The following RNF152 variants were observed in gnomAD, a reference collection of about 807,000 sequenced individuals.
RNF152 encodes E3 ubiquitin-protein ligase RNF152.
A neutral mutation model predicts 12.7 loss-of-function variants in RNF152; 11 were observed. The ratio of observed to expected loss-of-function variants is 0.86; its 90% confidence interval spans 0.54 to 1.43. The LOEUF (loss-of-function observed/expected upper bound fraction) is 1.43, where lower values mean the gene tolerates loss of function less well. Among genes scored for constraint, RNF152 ranks in the 40% most tolerant of loss-of-function variants. RNF152 has a pLI of 0.00. For missense variants in RNF152, 255 were observed against 274.8 expected (o/e 0.93, Z 0.51); for synonymous variants, 113 against 120.3 (o/e 0.94, Z 0.40).
At chr18:61,878,774 G>C (rs975905750) in intron 1 of RNF152, among the ~76,000 whole-genome samples, 3 of 152,092 alleles carry the variant, frequency 2.0e-5, no homozygotes, top group Non-Finnish European at 4.4e-5. Context: ...AAGCCTCTTC[G>C]GGCATTAATC....
intron 1 of RNF152, among the ~76,000 whole-genome samples, chr18:61,819,011 G>A (rs1909252041): frequency 6.6e-6 from 1 of 152,174 alleles, no homozygotes; most frequent in African/African-American, 2.4e-5. Context: ...AAAAAATCAG[G>A]GGACAGGCTA....
chr18:61,854,420 C>A (rs1911126345), intron 1 of RNF152, among the ~76,000 whole-genome samples: 1 of 152,170 alleles, frequency 6.6e-6, no homozygotes, highest in African/African-American at 2.4e-5. Flanking sequence ...ACAGCAACAG[C>A]CTTAAAGGAA....
At chr18:61,842,866 A>G (rs1910515787) in intron 1 of RNF152, among the ~76,000 whole-genome samples, 2 of 152,168 alleles carry the variant, frequency 1.3e-5, no homozygotes, top group Admixed American at 1.3e-4. Flanking sequence ...ACAGCACGGG[A>G]AAGACCCGCC....
intron 1 of RNF152, among the ~76,000 whole-genome samples, chr18:61,854,562 A>C (rs944612114): frequency 1.3e-5 from 2 of 152,176 alleles, no homozygotes; most frequent in Admixed American, 1.3e-4. Flanking sequence ...CGAATTAAAG[A>C]GGGCTGGGAG....
At position 61,813,917 on chromosome 18, in the gene RNF152, G is replaced by C. The variant is rs966002834; in HGVS notation, c.*1935C>G. The C allele has an allele frequency of 7.9e-5, 12 of 152,186 alleles. No homozygotes were observed. The South Asian group carries it at 8.3e-4, about 11-fold the overall frequency. 9.4% of individuals were successfully genotyped at this position (152,186 alleles called of 1,614,324 possible). The stretch of plus-strand genomic sequence containing the variant: ...ATATTATGTTATGTAATAGAGGATA[G>C]TATTCAGCTAATATGACACCTAAAT... On this transcript the variant is annotated 3_prime_UTR_variant, in exon 2 of 2. Coordinates refer to ENST00000312828, the MANE Select transcript of RNF152 (RefSeq NM_173557.3).
chr18:61,830,096 A>G (rs1460315447), intron 1 of RNF152, among the ~76,000 whole-genome samples: 5 of 149,048 alleles, frequency 3.4e-5, no homozygotes, highest in Non-Finnish European at 7.4e-5. Context: ...ATCTTGGCTC[A>G]CTGCAACCTT....
chr18:61,829,568 T>C lies in RNF152; in HGVS notation c.-135-12970A>G, dbSNP rs866112400. Among the ~76,000 whole-genome samples the C allele has an allele frequency of 3.7e-3, 292 of 78,708 alleles. 1 individual carries two copies. The highest frequency in any genetic ancestry group is 8.4e-3 in the Admixed American group (65 of 7,756). 51.6% of individuals were successfully genotyped at this position (78,708 alleles called of 152,430 possible). On this transcript the variant is annotated intron_variant, in intron 1 of 1. Coordinates refer to ENST00000312828, the MANE Select transcript of RNF152 (RefSeq NM_173557.3). ...ATACTGGGAGAGGGAGAGAGAGAGA[T>C]TGGGGGAAGGAGAGAGAGAGAGAGA... is the stretch of plus-strand genomic sequence containing the variant.
intron 1 of RNF152, among the ~76,000 whole-genome samples, chr18:61,867,933 T>G: frequency 6.6e-6 from 1 of 152,340 alleles, no homozygotes; most frequent in Non-Finnish European, 1.5e-5. Flanking sequence ...TACTATTATG[T>G]AAATTTAACC....
chr18:61,828,377 G>A (rs914161041), intron 1 of RNF152, among the ~76,000 whole-genome samples: 1 of 152,052 alleles, frequency 6.6e-6, no homozygotes, highest in African/African-American at 2.4e-5. Flanking sequence ...TTAGCCCCCC[G>A]AGTAGCTGGG....
intron 1 of RNF152, among the ~76,000 whole-genome samples, chr18:61,830,913 C>A (rs888321450): frequency 6.6e-6 from 1 of 152,058 alleles, no homozygotes; most frequent in Non-Finnish European, 1.5e-5. Context: ...AGATTTTGTA[C>A]CTAGCAAAGT....
chr18:61,844,034 G>C (rs1243636174), intron 1 of RNF152, among the ~76,000 whole-genome samples: 1 of 120,516 alleles, frequency 8.3e-6, no homozygotes, highest in Non-Finnish European at 1.8e-5. Flanking sequence ...GAAAGAGAGA[G>C]AGAAAGAAAA....
At chr18:61,828,788 C>A (rs1026690228) in intron 1 of RNF152, among the ~76,000 whole-genome samples, 1 of 152,114 alleles carries the variant, frequency 6.6e-6, no homozygotes, top group Admixed American at 6.5e-5. Flanking sequence ...TAAGGCACTA[C>A]TCTAGGTTTG....
rs1568259048 is a variant in RNF152, at chr18:61,816,004, C to CCTCCT, written c.455_459dup (p.Glu154ArgfsTer10). On this transcript the variant is annotated frameshift_variant, in exon 2 of 2. Transcript: ENST00000312828. LOFTEE classifies it high-confidence loss of function. The stretch of plus-strand genomic sequence containing the variant: ...TTCACCACGCCCCGCCTGTCCTGCT[C>CCTCCT]CTCCTCCACCGCCTCCTGGGGAGCC... 2.5e-6 allele frequency: 4 copies of CCTCCT among 1,614,182 alleles called. No individual in the cohort carries two copies.
chr18:61,838,866 C>A (rs1384141213), intron 1 of RNF152, among the ~76,000 whole-genome samples: 8 of 152,138 alleles, frequency 5.3e-5, no homozygotes, highest in African/African-American at 1.9e-4. Context: ...TGACCCTAAA[C>A]TGGCTACAGC....
intron 1 of RNF152, among the ~76,000 whole-genome samples, chr18:61,821,120 T>C (rs1437911945): frequency 6.6e-6 from 1 of 152,230 alleles, no homozygotes; most frequent in East Asian, 1.9e-4. Context: ...TTGGAACAGC[T>C]TGGGAGGAGG....
chr18:61,859,090 T>C (rs1911350380), intron 1 of RNF152, among the ~76,000 whole-genome samples: 1 of 152,220 alleles, frequency 6.6e-6, no homozygotes. Context: ...AGACGAGGGC[T>C]GGTGGCTCCT....
Position 61,810,923 on chromosome 18 carries a change from G to A in RNF152, c.*4929C>T, listed in dbSNP as rs942609660. 1.3e-5 allele frequency: 2 copies of A among 152,068 alleles called. No individual in the cohort carries two copies. 9.4% of individuals were successfully genotyped at this position (152,068 alleles called of 1,614,324 possible). On this transcript the variant is annotated 3_prime_UTR_variant, in exon 2 of 2. Transcript: ENST00000312828. ...TTATGTGGAAACAAAATGCTGACTG[G>A]TGGGCAGCATCACTTTTCTGAGAAA...
At chr18:61,861,111 A>G (rs1172017882) in intron 1 of RNF152, among the ~76,000 whole-genome samples, 1 of 152,222 alleles carries the variant, frequency 6.6e-6, no homozygotes, top group Non-Finnish European at 1.5e-5. Context: ...GAAGAAAACT[A>G]TTTGTTATAA....
chr18:61,894,198 G>GCGA (rs1446765845), upstream of RNF152: 1 of 151,360 alleles, frequency 6.6e-6, no homozygotes, highest in Non-Finnish European at 1.5e-5. The surrounding 1 kb of genome is among the most constrained non-coding windows in gnomAD (Gnocchi z 4.9). Context: ...GGCGGCGGCG[G>GCGA]CGACAGCATC....
Sources: gnomAD v4.1 joint callset for allele counts (sites outside exome capture counted in the v4.1 genomes callset) on GRCh38, gnomAD v4.1.1 for gene constraint, Gnocchi (gnomAD v3.1) non-coding constraint, MANE v1.5 for transcripts, NCBI Gene and HGNC (gene_info 2026-07-23, HGNC 2026-07-21) for gene names.